The following ODF2 variants were observed in gnomAD, a reference collection of about 807,000 sequenced individuals.
The protein encoded by ODF2 is outer dense fiber protein 2.
A neutral mutation model predicts 110.2 loss-of-function variants in ODF2; 47 were observed. That is an observed-to-expected ratio of 0.43 (90% CI 0.34 to 0.54). ODF2 has a LOEUF of 0.54. ODF2 is among the 20% of genes least tolerant of loss of function. The pLI is 0.03. For synonymous variants in ODF2, 352 were observed against 397.7 expected (o/e 0.89, Z 1.37); for missense variants, 812 against 1,054.5 (o/e 0.77, Z 3.19).
chr9:128,467,886 A>C (rs894658933), intron 4 of ODF2, among the ~76,000 whole-genome samples: 6 of 151,838 alleles, frequency 4.0e-5, no homozygotes, highest in African/African-American at 1.5e-4. Context: ...ATTTTTTTGT[A>C]TTTTTAGTAG....
Position 128,487,776 on chromosome 9 carries a change from G to A in ODF2, c.1401-114G>A, listed in dbSNP as rs909579346. The A allele has an allele frequency of 3.1e-6, 4 of 1,292,522 alleles. No homozygotes were observed. In the African/African-American group the frequency reaches 4.5e-5, roughly 14 times the overall value. 80.1% of individuals were successfully genotyped at this position (1,292,522 alleles called of 1,614,324 possible). A position where few individuals can be genotyped will look rare whatever the true frequency, so the allele number is the denominator to read the frequency against. On this transcript the variant is annotated intron_variant, in intron 13 of 20. Transcript: ENST00000604420. ...CACTCCAGCCTAGGTGACAGAGCGA[G>A]ACTCCGTCTAAAAAAACAAACAAAC...
Position 128,494,418 on chromosome 9 carries a change from A to C in ODF2, c.1753-92A>C. On this transcript the variant is annotated intron_variant, in intron 16 of 20. Transcript: ENST00000604420. This position sits in a 1 kb window ranked among gnomAD's most constrained non-coding sequence, Gnocchi z 4.6. ...CTGGGGACTGTGTCAGCCCTGCCCT[A>C]ACTCTAAAGGACTCTGCCTGGCTCC... The C allele has an allele frequency of 8.5e-7, 1 of 1,177,820 alleles. No individual in the cohort carries two copies. The highest frequency in any genetic ancestry group is 2.4e-5 in the East Asian group (1 of 41,768). 73.0% of individuals were successfully genotyped at this position (1,177,820 alleles called of 1,614,324 possible).
intron 3 of ODF2, chr9:128,460,030 T>C: frequency 1.4e-6 from 1 of 739,894 alleles, no homozygotes; most frequent in South Asian, 1.5e-5. Context: ...CTTTAGAATC[T>C]AGACAGCCTT....
At chr9:128,461,222 T>G (rs1564457453) in intron 4 of ODF2, 155 bp downstream of exon 4, 1 of 928,862 alleles carries the variant, frequency 1.1e-6, no homozygotes, top group African/African-American at 1.7e-5. Flanking sequence ...TATGTGAATC[T>G]TCTTGAGTTC....
intron 18 of ODF2, 163 bp downstream of exon 18, chr9:128,496,304 A>G (rs1845547248): frequency 2.0e-6 from 3 of 1,490,082 alleles, no homozygotes; most frequent in South Asian, 1.2e-5. Context: ...AGTGGTAAGC[A>G]TTGTGGGAGA....
chr9:128,482,532 G>A (rs1369959634), intron 9 of ODF2, among the ~76,000 whole-genome samples: 2 of 152,086 alleles, frequency 1.3e-5, no homozygotes, highest in African/African-American at 4.8e-5. Context: ...GGTTATCTCT[G>A]CATGGGGGGT....
At position 128,494,525 on chromosome 9, in the gene ODF2, C is replaced by T. The variant is rs761077596; in HGVS notation, c.1768C>T (p.Gln590Ter). ...CCTGTTTCAGGCACGAAGGCAGTTC[C>T]AGTCTCAGCTGGCTGACCTGCAGCA... The change falls in exon 17 of 21, where the codon CAG (glutamine) becomes TAG (stop). Residue 590 changes from glutamine (Q) to a stop codon, truncating the protein, a stop_gained. Transcript: ENST00000604420. LOFTEE classifies it high-confidence loss of function. The surrounding 1 kb of genome is among the most constrained non-coding windows in gnomAD (Gnocchi z 4.6). 6.2e-7 allele frequency: 1 copy of T among 1,614,204 alleles called. No homozygotes were observed. Among genetic ancestry groups the T allele is most frequent in the South Asian group, 1.1e-5 (1 of 91,082 alleles).
intron 13 of ODF2, among the ~76,000 whole-genome samples, chr9:128,487,680 G>A (rs547694978): frequency 1.3e-5 from 2 of 152,144 alleles, no homozygotes; most frequent in East Asian, 3.9e-4. Context: ...CCAGCTACTC[G>A]GGAGGCTGAG....
At chr9:128,472,982 T>C in exon 7 of ODF2, 2 of 1,613,952 alleles carry the variant, frequency 1.2e-6, no homozygotes, top group South Asian at 1.1e-5. Flanking sequence ...CGGAAATGGA[T>C]GGGGCTGCGG....
At chr9:128,498,535 C>T in exon 19 of ODF2, 1 of 1,611,172 alleles carries the variant, frequency 6.2e-7, no homozygotes, top group Non-Finnish European at 8.5e-7. Flanking sequence ...GGGACCCTGG[C>T]AAGGCAGTTG....
chr9:128,490,917 CATTT>C (rs796106746), intron 14 of ODF2, among the ~76,000 whole-genome samples: 115 of 152,214 alleles, frequency 7.6e-4, no homozygotes, highest in African/African-American at 2.3e-3. Flanking sequence ...TATAGGAAGA[CATTT>C]ATTTATTTAT....
intron 5 of ODF2, 101 bp downstream of exon 5, chr9:128,469,454 T>G: frequency 8.2e-7 from 1 of 1,226,184 alleles, no homozygotes; most frequent in Non-Finnish European, 1.2e-6. Flanking sequence ...CTGCAGGCCT[T>G]CAGGCCTCCT....
Position 128,482,902 on chromosome 9 carries a change from T to G in ODF2, c.987+15T>G. 1 of 1,557,086 alleles carries G rather than the reference T, an allele frequency of 6.4e-7. No homozygotes were observed. The highest frequency in any genetic ancestry group is 8.7e-7 in the Non-Finnish European group (1 of 1,145,940). Reference sequence around the variant, plus strand: ...AATGTGAGAAGGTAGTGTGCTTTTTTTTTTTTTTTTTTTAGACGGAGTCTC... The same window carrying G: ...AATGTGAGAAGGTAGTGTGCTTTTTGTTTTTTTTTTTTTAGACGGAGTCTC... On this transcript the variant is annotated intron_variant, in intron 10 of 20. Transcript: ENST00000604420.
intron 3 of ODF2, chr9:128,460,206 T>C: frequency 7.6e-7 from 1 of 1,310,138 alleles, no homozygotes; most frequent in Non-Finnish European, 1.0e-6. Flanking sequence ...TGTGCTTCAC[T>C]AAATCCAAGG....
In ODF2 at chr9:128,485,591, G is replaced by A. The variant is rs943373309; in HGVS notation, c.1400+117G>A. On this transcript the variant is annotated intron_variant, in intron 13 of 20. Transcript: ENST00000604420. The surrounding 1 kb of genome is among the most constrained non-coding windows in gnomAD (Gnocchi z 5.0). ...GGCTGCTGTTTGTACTCTCCGGGTT[G>A]GGGGCTGCACTGGGCTGTGATGTGG... 1.9e-5 allele frequency: 12 copies of A among 637,982 alleles called. No homozygotes were observed. Among genetic ancestry groups the A allele is most frequent in the African/African-American group, 1.5e-4 (8 of 54,948 alleles). The allele number at this position is 637,982 out of a possible 1,614,324, so 39.5% of individuals were successfully genotyped here. A position where few individuals can be genotyped will look rare whatever the true frequency, so the allele number is the denominator to read the frequency against.
exon 14 of ODF2, chr9:128,487,949 G>T (rs1453778232): frequency 1.2e-6 from 2 of 1,613,960 alleles, no homozygotes; most frequent in Non-Finnish European, 1.7e-6. Flanking sequence ...CGGGAAGACC[G>T]GGATAGCCTG....
intron 5 of ODF2, 40 bp downstream of exon 5, chr9:128,469,393 G>T (rs746429920): frequency 4.7e-5 from 76 of 1,603,010 alleles, no homozygotes; most frequent in Non-Finnish European, 2.6e-6. Context: ...CTACCCTGAG[G>T]ATGTGCAGGA....
At chr9:128,464,345 G>A (rs1381043447) in intron 4 of ODF2, among the ~76,000 whole-genome samples, 6 of 151,094 alleles carry the variant, frequency 4.0e-5, no homozygotes, top group Non-Finnish European at 8.8e-5. Context: ...TAATAGAGAC[G>A]GGGTTTCACC....
At chr9:128,500,209 C>T (rs374839985) in exon 21 of ODF2, 1 of 1,614,222 alleles carries the variant, frequency 6.2e-7, no homozygotes, top group African/African-American at 1.3e-5. Context: ...CCCTATTCCA[C>T]CTTCCTGACT....
Sources: gnomAD v4.1 joint callset for allele counts (sites outside exome capture counted in the v4.1 genomes callset) on GRCh38, gnomAD v4.1.1 for gene constraint, Gnocchi (gnomAD v3.1) non-coding constraint, MANE v1.5 for transcripts, NCBI Gene and HGNC (gene_info 2026-07-23, HGNC 2026-07-21) for gene names.